PAPPA2: variants seen among roughly 807,000 people sequenced by gnomAD.
PAPPA2 encodes pappalysin 2.
PAPPA2 carries 86 observed loss-of-function variants against 176.4 expected under a neutral mutation model. The observed-to-expected ratio is 0.49, with a 90% confidence interval of 0.41 to 0.58. PAPPA2 has a LOEUF of 0.58. Among genes scored for constraint, PAPPA2 ranks in the 20% least tolerant of loss-of-function variants. The pLI, the probability that PAPPA2 is intolerant of heterozygous loss-of-function variation, is 0.00. For synonymous variants in PAPPA2, 809 were observed against 852.2 expected (o/e 0.95, Z 0.88); for missense variants, 2,073 against 2,256.9 (o/e 0.92, Z 1.65).
At chr1:176,795,412 G>A (rs10913255) in intron 20 of PAPPA2, among the ~76,000 whole-genome samples, 62,754 of 151,886 alleles carry the variant, frequency 0.41, 14,395 homozygotes, top group African/African-American at 0.6. Flanking sequence ...CTCAAAGAAA[G>A]CCTTTTTGTT....
intron 8 of PAPPA2, among the ~76,000 whole-genome samples, chr1:176,700,026 T>C (rs1660576402): frequency 6.6e-6 from 1 of 152,236 alleles, no homozygotes; most frequent in Admixed American, 6.5e-5. Flanking sequence ...GACCAGACGA[T>C]ACACTCAGTT....
In PAPPA2 at chr1:176,596,598, C is replaced by A. The variant is rs72716831; in HGVS notation, c.1991+1003C>A. ...ACACTTAGTACTTCAGATAATTTGT[C>A]TTTCACGTTCATGTGTTTGTCTGTT... On this transcript the variant is annotated intron_variant, in intron 3 of 22. Coordinates refer to ENST00000367662, the MANE Select transcript of PAPPA2 (RefSeq NM_020318.3). Among the ~76,000 whole-genome samples, 1,458 of 152,320 alleles carry A rather than the reference C, an allele frequency of 9.6e-3. 15 individuals are homozygous for A. Among genetic ancestry groups the A allele is most frequent in the Middle Eastern group, 0.037 (11 of 294 alleles).
At chr1:176,778,673 G>A (rs1664569193) in intron 17 of PAPPA2, among the ~76,000 whole-genome samples, 2 of 152,120 alleles carry the variant, frequency 1.3e-5, no homozygotes, top group African/African-American at 4.8e-5. Flanking sequence ...TAATGAATAG[G>A]TGCTAAACCT....
chr1:176,495,311 C>A (rs1203795403), intron 1 of PAPPA2, among the ~76,000 whole-genome samples: 1 of 152,094 alleles, frequency 6.6e-6, no homozygotes, highest in Non-Finnish European at 1.5e-5. Flanking sequence ...GAGGCCGAGG[C>A]AGGCGAATCA....
chr1:176,570,504 A>G (rs779844784), intron 2 of PAPPA2, among the ~76,000 whole-genome samples: 10 of 152,198 alleles, frequency 6.6e-5, no homozygotes, highest in Non-Finnish European at 1.3e-4. Flanking sequence ...TATTTTAGAC[A>G]TTGTTTGTTT....
intron 1 of PAPPA2, among the ~76,000 whole-genome samples, chr1:176,548,863 CCTCA>C (rs1351193775): frequency 1.3e-5 from 2 of 151,108 alleles, no homozygotes; most frequent in African/African-American, 4.9e-5. Flanking sequence ...GGCATTGGGC[CCTCA>C]CTCAAGACAT....
intron 21 of PAPPA2, among the ~76,000 whole-genome samples, chr1:176,810,220 T>C (rs912823521): frequency 1.3e-5 from 2 of 152,114 alleles, no homozygotes; most frequent in African/African-American, 4.8e-5. Flanking sequence ...GATTACATAC[T>C]TCAAGACAGA....
intron 10 of PAPPA2, 23 bp from the exon 11 acceptor site, chr1:176,709,960 T>C: frequency 1.3e-6 from 2 of 1,576,040 alleles, no homozygotes; most frequent in Non-Finnish European, 1.7e-6. Flanking sequence ...ACTTTTTCTG[T>C]GTCACACAAT....
At chr1:176,489,428 A>G (rs774091313) in intron 1 of PAPPA2, among the ~76,000 whole-genome samples, 12 of 152,168 alleles carry the variant, frequency 7.9e-5, no homozygotes, top group Non-Finnish European at 1.8e-4. Context: ...TAGAAAGTAG[A>G]TTTCACTCAG....
At chr1:176,700,771 G>A (rs774133657) in intron 8 of PAPPA2, among the ~76,000 whole-genome samples, 12 of 152,156 alleles carry the variant, frequency 7.9e-5, no homozygotes, top group Non-Finnish European at 1.6e-4. Flanking sequence ...GATGAAAGAG[G>A]CAGCAAAGTC....
chr1:176,538,151 T>C (rs565856045), intron 1 of PAPPA2, among the ~76,000 whole-genome samples: 19 of 152,242 alleles, frequency 1.2e-4, no homozygotes, highest in African/African-American at 4.3e-4. Flanking sequence ...TACCATTTCA[T>C]TCCGTTCATA....
rs534022257 is a variant in PAPPA2, at chr1:176,712,066, G to C, written c.3798+85G>C. 27 of 1,437,538 alleles carry C rather than the reference G, an allele frequency of 1.9e-5. No individual in the cohort carries two copies. In the South Asian group the frequency reaches 3.8e-4, roughly 20 times the overall value. The allele number at this position is 1,437,538 out of a possible 1,614,324, so 89.0% of individuals were successfully genotyped here. A position where few individuals can be genotyped will look rare whatever the true frequency, so the allele number is the denominator to read the frequency against. On this transcript the variant is annotated intron_variant, in intron 12 of 22. Coordinates refer to ENST00000367662, the MANE Select transcript of PAPPA2 (RefSeq NM_020318.3). ...GTGTGTGTGTGTGTGTGTAAATGGT[G>C]CATTTGGATGACTTGTCAGAAAATT...
At chr1:176,759,945 A>G (rs1558566296) in intron 14 of PAPPA2, among the ~76,000 whole-genome samples, 1 of 152,218 alleles carries the variant, frequency 6.6e-6, no homozygotes, top group East Asian at 1.9e-4. Flanking sequence ...ACCTTTCAGT[A>G]TAGAATTATC....
At chr1:176,577,552 T>C (rs1391736559) in intron 2 of PAPPA2, among the ~76,000 whole-genome samples, 3 of 152,174 alleles carry the variant, frequency 2.0e-5, no homozygotes, top group African/African-American at 4.8e-5. Flanking sequence ...GAAAGTTATC[T>C]AGAACAGCTG....
At chr1:176,527,269 G>A (rs565035941) in intron 1 of PAPPA2, among the ~76,000 whole-genome samples, 1 of 152,342 alleles carries the variant, frequency 6.6e-6, no homozygotes, top group South Asian at 2.1e-4. Flanking sequence ...AGAGTCCTAT[G>A]TGACAGGCTC....
At chr1:176,784,877 C>T (rs1267226991) in intron 17 of PAPPA2, among the ~76,000 whole-genome samples, 1 of 152,096 alleles carries the variant, frequency 6.6e-6, no homozygotes, top group Non-Finnish European at 1.5e-5. Flanking sequence ...TGAGCCACCG[C>T]GCCCGGCCAG....
At chr1:176,749,478 G>A (rs1663065285) in intron 14 of PAPPA2, among the ~76,000 whole-genome samples, 1 of 152,120 alleles carries the variant, frequency 6.6e-6, no homozygotes, top group Non-Finnish European at 1.5e-5. Flanking sequence ...GTTTACATTA[G>A]AATTCACTCT....
At chr1:176,758,466 G>A (rs1663542980) in intron 14 of PAPPA2, among the ~76,000 whole-genome samples, 1 of 152,144 alleles carries the variant, frequency 6.6e-6, no homozygotes, top group East Asian at 1.9e-4. Context: ...AAAATTAAAT[G>A]AGGACTCTGT....
intron 14 of PAPPA2, among the ~76,000 whole-genome samples, chr1:176,750,903 G>T (rs905137738): frequency 2.6e-5 from 4 of 152,108 alleles, no homozygotes; most frequent in African/African-American, 9.7e-5. Context: ...TTTACCTTTT[G>T]CATTAAAAAC....
Sources: gnomAD v4.1 joint callset for allele counts (sites outside exome capture counted in the v4.1 genomes callset) on GRCh38, gnomAD v4.1.1 for gene constraint, MANE v1.5 for transcripts, NCBI Gene and HGNC (gene_info 2026-07-23, HGNC 2026-07-21) for gene names.